The following RBMS3 variants were observed in gnomAD, a reference collection of about 807,000 sequenced individuals.
The protein encoded by RBMS3 is RNA binding motif single stranded interacting protein 3.
A neutral mutation model predicts 66.8 loss-of-function variants in RBMS3; 27 were observed. That is an observed-to-expected ratio of 0.40 (90% confidence interval 0.30 to 0.56). The LOEUF (loss-of-function observed/expected upper bound fraction) is 0.56. Among genes scored for constraint, RBMS3 ranks in the 20% least tolerant of loss-of-function variants. RBMS3 has a pLI of 0.40. For missense variants in RBMS3, 513 were observed against 549.5 expected (o/e 0.93, Z 0.66); for synonymous variants, 188 against 183.0 (o/e 1.03, Z -0.22).
chr3:29,556,320 T>C (rs1289052607), intron 3 of RBMS3: 2 of 152,264 alleles, frequency 1.3e-5, no homozygotes, highest in Non-Finnish European at 2.9e-5. Context: ...ATGAACAAGG[T>C]AAGCCGGGCG....
chr3:29,879,368 T>C (rs1268673616), intron 7 of RBMS3, among the ~76,000 whole-genome samples: 12 of 152,280 alleles, frequency 7.9e-5, no homozygotes, highest in African/African-American at 2.9e-4. Context: ...TTAATTAACT[T>C]ATTTTTTATT....
At chr3:29,557,499 A>T (rs188527721) in intron 3 of RBMS3, among the ~76,000 whole-genome samples, 75 of 152,322 alleles carry the variant, frequency 4.9e-4, no homozygotes, top group African/African-American at 1.8e-3. Context: ...AGAAAAGGAG[A>T]CTTAGTAGGA....
intron 1 of RBMS3, among the ~76,000 whole-genome samples, chr3:29,308,308 A>G (rs958978348): frequency 6.6e-6 from 1 of 151,852 alleles, no homozygotes; most frequent in African/African-American, 2.4e-5. Flanking sequence ...AAATACATTT[A>G]TTCAGCACCT....
At chr3:29,977,384 GAA>G (rs1697662848) in intron 12 of RBMS3, among the ~76,000 whole-genome samples, 1 of 152,098 alleles carries the variant, frequency 6.6e-6, no homozygotes, top group African/African-American at 2.4e-5. Flanking sequence ...TTTAGTGGAG[GAA>G]AAGAGTGTAA....
chr3:29,282,865 C>T (rs1030607077), intron 1 of RBMS3, among the ~76,000 whole-genome samples: 5 of 152,110 alleles, frequency 3.3e-5, no homozygotes, highest in Admixed American at 2.0e-4. Context: ...CGTCCAGCAA[C>T]GCCTATTTGT....
chr3:29,363,292 G>A (rs890351743), intron 1 of RBMS3, among the ~76,000 whole-genome samples: 8 of 152,076 alleles, frequency 5.3e-5, no homozygotes, highest in African/African-American at 1.2e-4. Context: ...CCTTATTTTT[G>A]TTTGTCTACT....
rs544441503 is a variant in RBMS3 at position 29,704,420 on chromosome 3, T to C, written c.400-35300T>C. The stretch of plus-strand genomic sequence containing the variant: ...TGAAATACAGATGCATTTTGGCCCT[T>C]ACACATTTCCATTTAAATGTCTAGT... On this transcript the variant is annotated intron_variant, in intron 4 of 14. Coordinates refer to ENST00000383767, the MANE Select transcript of RBMS3 (RefSeq NM_001003793.3). Among the ~76,000 whole-genome samples the C allele has an allele frequency of 3.3e-5, 5 of 151,724 alleles. No individual in the cohort carries two copies. In the South Asian group the frequency reaches 8.3e-4, roughly 25 times the overall value.
At chr3:29,973,195 A>G (rs962071636) in intron 12 of RBMS3, among the ~76,000 whole-genome samples, 9 of 152,042 alleles carry the variant, frequency 5.9e-5, no homozygotes, top group African/African-American at 2.2e-4. Context: ...ATTATTTACA[A>G]ACCAGACTAA....
intron 2 of RBMS3, among the ~76,000 whole-genome samples, chr3:29,475,241 C>G (rs556495856): frequency 1.3e-5 from 2 of 149,934 alleles, no homozygotes; most frequent in African/African-American, 2.4e-5. Flanking sequence ...TAATAAGTTT[C>G]TTTTCTTTTC....
intron 4 of RBMS3, among the ~76,000 whole-genome samples, chr3:29,639,667 A>G (rs772186417): frequency 9.2e-5 from 14 of 151,744 alleles, no homozygotes; most frequent in Non-Finnish European, 5.9e-5. Flanking sequence ...GTGTCACTGT[A>G]AAAGCTGGCC....
chr3:29,371,153 C>T lies in RBMS3; in HGVS notation c.76-63590C>T, dbSNP rs115472176. The stretch of plus-strand genomic sequence containing the variant: ...GTTTTGTTCATGGAGTGGGAAGTGT[C>T]TTCTCTGACAAAGCTGTTCACTCAT... On this transcript the variant is annotated intron_variant, in intron 1 of 14. Transcript: ENST00000383767. 7.2e-3 allele frequency among the ~76,000 whole-genome samples: 1,103 copies of T among 152,290 alleles called. 3 individuals are homozygous for T. The highest frequency in any genetic ancestry group is 0.011 in the Non-Finnish European group (732 of 68,016).
At chr3:29,807,793 T>G (rs1470434771) in intron 6 of RBMS3, among the ~76,000 whole-genome samples, 2 of 123,844 alleles carry the variant, frequency 1.6e-5, no homozygotes, top group East Asian at 2.1e-4. Context: ...TGTGAAGGGG[T>G]GTGTGTGTGT....
At chr3:29,392,019 G>A (rs2039321727) in intron 1 of RBMS3, among the ~76,000 whole-genome samples, 1 of 152,160 alleles carries the variant, frequency 6.6e-6, no homozygotes, top group African/African-American at 2.4e-5. Flanking sequence ...GGAGGTCGAG[G>A]AGGGTGGATC....
chr3:29,991,481 G>T (rs1698870443), intron 14 of RBMS3: 1 of 418,268 alleles, frequency 2.4e-6, no homozygotes, highest in African/African-American at 2.0e-5. Flanking sequence ...GATGTGTGAT[G>T]GAAGTGACTA....
At chr3:29,880,213 T>C (rs3773117) in intron 7 of RBMS3, among the ~76,000 whole-genome samples, 2,336 of 152,298 alleles carry the variant, frequency 0.015, 24 homozygotes, top group South Asian at 0.029. Flanking sequence ...TAACTGTTGT[T>C]GAAAAATGAC....
At chr3:29,942,118 G>T (rs1178608623) in intron 11 of RBMS3, among the ~76,000 whole-genome samples, 2 of 151,710 alleles carry the variant, frequency 1.3e-5, no homozygotes, top group African/African-American at 2.4e-5. Flanking sequence ...TAACAAAGAA[G>T]AATAATTAAA....
At chr3:29,451,107 G>T (rs1297306122) in intron 2 of RBMS3, among the ~76,000 whole-genome samples, 1 of 152,124 alleles carries the variant, frequency 6.6e-6, no homozygotes, top group East Asian at 1.9e-4. Flanking sequence ...TTAACTGTTG[G>T]AATTAATTTC....
At chr3:29,902,852 G>T (rs1486695876) in intron 10 of RBMS3, among the ~76,000 whole-genome samples, 3 of 151,942 alleles carry the variant, frequency 2.0e-5, no homozygotes, top group East Asian at 3.9e-4. Context: ...TGACTTAAAG[G>T]GCTCTAATGT....
At chr3:29,813,523 A>G (rs920343430) in intron 6 of RBMS3, among the ~76,000 whole-genome samples, 2 of 152,110 alleles carry the variant, frequency 1.3e-5, no homozygotes, top group South Asian at 4.1e-4. Flanking sequence ...GAAGAAAGTC[A>G]TTGGTAGCTT....
Sources: gnomAD v4.1 joint callset for allele counts (sites outside exome capture counted in the v4.1 genomes callset) on GRCh38, gnomAD v4.1.1 for gene constraint, MANE v1.5 for transcripts, NCBI Gene and HGNC (gene_info 2026-07-23, HGNC 2026-07-21) for gene names.